The following MAP3K2 variants were observed in gnomAD, a reference collection of about 807,000 sequenced individuals.
MAP3K2 encodes MAP/ERK kinase kinase 2.
A neutral mutation model predicts 80.3 loss-of-function variants in MAP3K2; 24 were observed. The ratio of observed to expected loss-of-function variants is 0.30; its 90% confidence interval spans 0.22 to 0.42. The LOEUF is 0.42. Among genes scored for constraint, MAP3K2 ranks in the 10% least tolerant of loss-of-function variants. The pLI, the probability that MAP3K2 is intolerant of heterozygous loss-of-function variation, is 1.00. For missense variants in MAP3K2, 608 were observed against 750.1 expected, an observed-to-expected ratio of 0.81 and a Z score of 2.21; for synonymous variants, 244 against 253.7, an observed-to-expected ratio of 0.96 and a Z score of 0.36.
intron 1 of MAP3K2, among the ~76,000 whole-genome samples, chr2:127,368,651 A>G (rs2104883777): frequency 6.6e-6 from 1 of 152,276 alleles, no homozygotes; most frequent in South Asian, 2.1e-4. Context: ...ATAAAAATAA[A>G]AAGGCAAAGT....
intron 9 of MAP3K2, among the ~76,000 whole-genome samples, chr2:127,324,739 A>G (rs1180807106): frequency 1.3e-5 from 2 of 152,218 alleles, no homozygotes; most frequent in Admixed American, 1.3e-4. Context: ...ACATGGATAA[A>G]AGAAACTTAA....
intron 1 of MAP3K2, among the ~76,000 whole-genome samples, chr2:127,371,606 G>A (rs1056416131): frequency 1.3e-5 from 2 of 152,174 alleles, no homozygotes; most frequent in Admixed American, 1.3e-4. Flanking sequence ...CAGAGGAAAG[G>A]CAGCCACAGT....
intron 12 of MAP3K2, among the ~76,000 whole-genome samples, chr2:127,320,580 T>C (rs1341257736): frequency 6.6e-6 from 1 of 152,004 alleles, no homozygotes; most frequent in Non-Finnish European, 1.5e-5. Flanking sequence ...AGGTAACAAC[T>C]GAGAACTTTT....
intron 11 of MAP3K2, among the ~76,000 whole-genome samples, chr2:127,323,541 G>T (rs1320717791): frequency 2.0e-5 from 3 of 151,912 alleles, no homozygotes; most frequent in Non-Finnish European, 4.4e-5. Context: ...TTTTTAATTA[G>T]CTGGGTGTGA....
intron 8 of MAP3K2, among the ~76,000 whole-genome samples, chr2:127,326,194 T>C (rs1686134175): frequency 6.8e-6 from 1 of 146,480 alleles, no homozygotes; most frequent in South Asian, 2.1e-4. Flanking sequence ...AATGACACTA[T>C]GACTATTACA....
chr2:127,384,709 G>A (rs946621271), intron 1 of MAP3K2, among the ~76,000 whole-genome samples: 5 of 151,574 alleles, frequency 3.3e-5, no homozygotes, highest in African/African-American at 1.2e-4. Flanking sequence ...TGTTGCCCAG[G>A]CTGGTCTGCA....
At position 127,318,151 on chromosome 2, in the gene MAP3K2, T is replaced by C; in HGVS notation, c.1194+18A>G. On this transcript the variant is annotated intron_variant, in intron 13 of 16. Transcript: ENST00000682094. ...GTTTCTTATAATGTGACAAAGTAAT[T>C]TGTGCAGTGATTTTTACCTTGCTGG... The C allele has an allele frequency of 1.3e-6, 2 of 1,559,064 alleles. No individual in the cohort carries two copies. Among genetic ancestry groups the C allele is most frequent in the South Asian group, 1.3e-5 (1 of 79,004 alleles).
intron 10 of MAP3K2, 43 bp from the exon 11 acceptor site, chr2:127,324,037 AAGTT>A: frequency 1.7e-6 from 2 of 1,168,906 alleles, no homozygotes; most frequent in Non-Finnish European, 1.2e-6. Flanking sequence ...TTAAAAAAAA[AAGTT>A]AAATATTTCT....
At chr2:127,329,812 GAAAT>G in intron 7 of MAP3K2, 105 bp downstream of exon 7, 1 of 653,522 alleles carries the variant, frequency 1.5e-6, no homozygotes, top group Non-Finnish European at 2.7e-6. Flanking sequence ...AGGAAGTAGA[GAAAT>G]AAAATATTAT....
intron 1 of MAP3K2, among the ~76,000 whole-genome samples, chr2:127,346,225 G>C (rs10928764): frequency 0.79 from 120,015 of 151,396 alleles, 47,776 homozygotes; most frequent in Middle Eastern, 0.84. Context: ...TTAGATGACT[G>C]AGATGACACA....
At chr2:127,338,903 C>A in intron 3 of MAP3K2, 29 bp downstream of exon 3, 2 of 1,399,428 alleles carry the variant, frequency 1.4e-6, no homozygotes, top group South Asian at 1.3e-5. Flanking sequence ...GAAAGTAATT[C>A]ATAAAAAAAT....
At chr2:127,334,784 T>TG in intron 5 of MAP3K2, among the ~76,000 whole-genome samples, 1 of 151,328 alleles carries the variant, frequency 6.6e-6, no homozygotes, top group African/African-American at 2.4e-5. Flanking sequence ...ATTTTTTTTT[T>TG]TTTTTGAGAC....
chr2:127,311,058 G>C (rs4294945), intron 15 of MAP3K2, among the ~76,000 whole-genome samples: 3 of 152,270 alleles, frequency 2.0e-5, no homozygotes, highest in African/African-American at 7.2e-5. Flanking sequence ...AGAGGATAAA[G>C]AGACCCCACC....
Position 127,370,109 on chromosome 2 carries a change from G to C in MAP3K2, c.-66+17343C>G, listed in dbSNP as rs141517921. 2.2e-3 allele frequency among the ~76,000 whole-genome samples: 332 copies of C among 151,206 alleles called. 1 individual carries two copies. The highest frequency in any genetic ancestry group is 7.3e-3 in the African/African-American group (302 of 41,090). ...CCTAAATCATCTGCATGCAAGACTA[G>C]CGGGGGGTGGGGGTGGGCGCAGCAC... is the stretch of plus-strand genomic sequence containing the variant. On this transcript the variant is annotated intron_variant, in intron 1 of 16. Transcript: ENST00000682094.
rs1424153768 is a variant in MAP3K2 at position 127,300,884 on chromosome 2, T to C, written c.*6695A>G. ...GTAAGAATACATCAAATCCATTTTG[T>C]AGTCTATCTAATAGAGTTTAAGGTG... On this transcript the variant is annotated 3_prime_UTR_variant, in exon 17 of 17. Coordinates refer to ENST00000682094, the MANE Select transcript of MAP3K2 (RefSeq NM_001371910.2). The C allele has an allele frequency of 1.3e-5, 2 of 152,240 alleles. No homozygotes were observed. The highest frequency in any genetic ancestry group is 2.9e-5 in the Non-Finnish European group (2 of 68,038). The allele number at this position is 152,240 out of a possible 1,614,324, so 9.4% of individuals were successfully genotyped here. A position where few individuals can be genotyped will look rare whatever the true frequency, so the allele number is the denominator to read the frequency against.
chr2:127,307,322 C>CT lies in MAP3K2; in HGVS notation c.*256dup. 8.6e-6 allele frequency: 2 copies of CT among 233,398 alleles called. 1 individual carries two copies. Among genetic ancestry groups the CT allele is most frequent in the South Asian group, 2.3e-4 (2 of 8,676 alleles). The allele number at this position is 233,398 out of a possible 1,614,324, so 14.5% of individuals were successfully genotyped here. On this transcript the variant is annotated 3_prime_UTR_variant, in exon 17 of 17. Coordinates refer to ENST00000682094, the MANE Select transcript of MAP3K2 (RefSeq NM_001371910.2). The surrounding 1 kb of genome is among the most constrained non-coding windows in gnomAD (Gnocchi z 5.4). The stretch of plus-strand genomic sequence containing the variant: ...GACTATGTACTAAAGTGCTTTATCT[C>CT]TCTGAACCACATCAGTACATTATAA...
intron 2 of MAP3K2, among the ~76,000 whole-genome samples, chr2:127,340,193 T>C (rs145918821): frequency 2.0e-5 from 3 of 152,368 alleles, no homozygotes; most frequent in African/African-American, 7.2e-5. Context: ...AAAAATTTTA[T>C]AATCCTTCAC....
At chr2:127,325,203 C>T (rs1393967380) in intron 9 of MAP3K2, among the ~76,000 whole-genome samples, 1 of 152,136 alleles carries the variant, frequency 6.6e-6, no homozygotes, top group Non-Finnish European at 1.5e-5. Context: ...AATCAGATTT[C>T]CTTTTAACTA....
intron 5 of MAP3K2, among the ~76,000 whole-genome samples, chr2:127,330,773 G>T (rs771599653): frequency 3.3e-4 from 50 of 152,150 alleles, no homozygotes; most frequent in Non-Finnish European, 3.8e-4. Flanking sequence ...TAATTTTCTA[G>T]GATATTTCCA....
Sources: gnomAD v4.1 joint callset for allele counts (sites outside exome capture counted in the v4.1 genomes callset) on GRCh38, gnomAD v4.1.1 for gene constraint, Gnocchi (gnomAD v3.1) non-coding constraint, MANE v1.5 for transcripts, NCBI Gene and HGNC (gene_info 2026-07-23, HGNC 2026-07-21) for gene names.